BPNT2: variants seen among roughly 807,000 people sequenced by gnomAD.
The protein encoded by BPNT2 is 3'(2'), 5'-bisphosphate nucleotidase 2.
BPNT2 carries 11 observed loss-of-function variants against 29.3 expected under a neutral mutation model. The ratio of observed to expected loss-of-function variants is 0.38; its 90% CI spans 0.24 to 0.62. The LOEUF (loss-of-function observed/expected upper bound fraction) is 0.62, where lower values mean the gene tolerates loss of function less well. Among genes scored for constraint, BPNT2 ranks in the 20% least tolerant of loss-of-function variants. The pLI is 0.62. For missense variants in BPNT2, 459 were observed against 473.4 expected (o/e 0.97, Z 0.28); for synonymous variants, 195 against 187.7 (o/e 1.04, Z -0.32).
At chr8:56,965,010 T>C (rs1805915714) in intron 4 of BPNT2, among the ~76,000 whole-genome samples, 1 of 152,102 alleles carries the variant, frequency 6.6e-6, no homozygotes, top group South Asian at 2.1e-4. Flanking sequence ...AAAATTAAAA[T>C]TATTAGGCAT....
chr8:56,992,941 C>G (rs75764447), intron 1 of BPNT2, among the ~76,000 whole-genome samples: 1,619 of 152,268 alleles, frequency 0.011, 31 homozygotes, highest in African/African-American at 0.037. Context: ...CTTTTCGTTT[C>G]AAGGCCTTCT....
At chr8:56,965,122 C>A (rs907503805) in intron 4 of BPNT2, among the ~76,000 whole-genome samples, 3 of 152,140 alleles carry the variant, frequency 2.0e-5, no homozygotes, top group Non-Finnish European at 2.9e-5. Context: ...GAGCTCAAGA[C>A]CAGCCTGGGC....
At chr8:56,967,026 G>T (rs919592250) in intron 3 of BPNT2, 3 of 389,114 alleles carry the variant, frequency 7.7e-6, no homozygotes, top group Non-Finnish European at 1.5e-5. Flanking sequence ...AAGGGAAGGG[G>T]ATGTCAGAGA....
rs1251585024 is a variant in BPNT2 at position 56,993,465 on chromosome 8, G to A, written c.121C>T (p.Leu41=). ...FLAGRFSLFG[L]GGEPGGGAAG... Reference sequence around the variant, plus strand: ...GCGCCGCCGCCAGGCTCGCCGCCCAGGCCGAAGAGGCTGAAGCGGCCGGCC... The same window carrying A: ...GCGCCGCCGCCAGGCTCGCCGCCCAAGCCGAAGAGGCTGAAGCGGCCGGCC... Residue 41 remains leucine (L), a synonymous_variant, in exon 1 of 5, where the codon CTG becomes TTG. Transcript: ENST00000262644. 2 of 1,494,580 alleles carry A rather than the reference G, an allele frequency of 1.3e-6. No homozygotes were observed. The highest frequency in any genetic ancestry group is 4.6e-5 in the Admixed American group (2 of 43,502). The allele number at this position is 1,494,580 out of a possible 1,614,324, so 92.6% of individuals were successfully genotyped here.
intron 3 of BPNT2, among the ~76,000 whole-genome samples, chr8:56,973,673 C>T (rs1806073744): frequency 6.6e-6 from 1 of 152,110 alleles, no homozygotes; most frequent in African/African-American, 2.4e-5. Flanking sequence ...GAGATGAGTG[C>T]TTCAAACCAG....
At chr8:56,979,238 T>C (rs1806199696) in intron 2 of BPNT2, among the ~76,000 whole-genome samples, 1 of 152,138 alleles carries the variant, frequency 6.6e-6, no homozygotes, top group African/African-American at 2.4e-5. Context: ...TAAGCACTCA[T>C]CTTTAGGTAT....
rs1806455544 is a variant in BPNT2, at chr8:56,993,512, T to C, written c.74A>G (p.Tyr25Cys). ...VFCLLGLGVL[Y>C]HLYSGFLAGR... is the part of the protein sequence containing the mutation. ...GGCCAAGAAGCCCGAGTAGAGGTGG[T>C]AGAGCACGCCGAGCCCCAGCAGGCA... The change falls in exon 1 of 5, where the codon TAC becomes TGC. Residue 25 changes from tyrosine (Y) to cysteine (C), a missense_variant. By Grantham distance (194) the Tyr-to-Cys change is radical. Transcript: ENST00000262644. 1.3e-6 allele frequency: 2 copies of C among 1,499,100 alleles called. No individual in the cohort carries two copies. The highest frequency in any genetic ancestry group is 1.5e-5 in the African/African-American group (1 of 68,182). 92.9% of individuals were successfully genotyped at this position (1,499,100 alleles called of 1,614,324 possible).
Position 56,961,403 on chromosome 8 carries a change from T to C in BPNT2, c.*2390A>G, listed in dbSNP as rs1445985353. 6.6e-6 allele frequency: 1 copy of C among 152,082 alleles called. No homozygotes were observed. Among genetic ancestry groups the C allele is most frequent in the Non-Finnish European group, 1.5e-5 (1 of 68,020 alleles). 9.4% of individuals were successfully genotyped at this position (152,082 alleles called of 1,614,324 possible). A position where few individuals can be genotyped will look rare whatever the true frequency, so the allele number is the denominator to read the frequency against. On this transcript the variant is annotated 3_prime_UTR_variant, in exon 5 of 5. Coordinates refer to ENST00000262644, the MANE Select transcript of BPNT2 (RefSeq NM_017813.5). ...ATATTGGCTTTTAAAAACAAACAAT[T>C]TTAAAAATGAACTTTTTATAAAAGT...
intron 1 of BPNT2, among the ~76,000 whole-genome samples, chr8:56,981,183 CT>C (rs1806235992): frequency 1.3e-5 from 2 of 152,148 alleles, no homozygotes; most frequent in African/African-American, 4.8e-5. Flanking sequence ...AAGTGCGCCC[CT>C]GTCCCATCCT....
In BPNT2 at chr8:56,966,313, C is replaced by T. The variant is rs758965196; in HGVS notation, c.686G>A (p.Arg229His). ...MVDGGSNVKARSSYNEKTPRI... is the reference protein window; with the variant it reads ...MVDGGSNVKAHSSYNEKTPRI... ...TGGGGTCTTCTCATTGTAGGAAGAG[C>T]GGGCTTTCACATTTGAACCACCATC... is the stretch of plus-strand genomic sequence containing the variant. Residue 229 changes from arginine to histidine, a missense_variant, in exon 4 of 5, where the codon CGC (arginine) becomes CAC (histidine). Transcript: ENST00000262644. 1.9e-5 allele frequency: 31 copies of T among 1,613,824 alleles called. No individual in the cohort carries two copies. The highest frequency in any genetic ancestry group is 1.2e-4 in the African/African-American group (9 of 74,918).
chr8:56,975,411 GA>G (rs1806115824), intron 3 of BPNT2, among the ~76,000 whole-genome samples: 1 of 152,000 alleles, frequency 6.6e-6, no homozygotes, highest in Admixed American at 6.6e-5. Context: ...AGTGTCAAAA[GA>G]AAAAGAGGGA....
At chr8:56,986,423 A>G (rs1253800970) in intron 1 of BPNT2, among the ~76,000 whole-genome samples, 1 of 152,326 alleles carries the variant, frequency 6.6e-6, no homozygotes, top group East Asian at 1.9e-4. Flanking sequence ...GTGTTCCGTA[A>G]TTGTGAGGAC....
intron 1 of BPNT2, among the ~76,000 whole-genome samples, chr8:56,992,104 A>G (rs1358076592): frequency 4.6e-5 from 7 of 152,228 alleles, no homozygotes; most frequent in South Asian, 2.1e-4. Flanking sequence ...AACCAAAGCA[A>G]TATTATGATA....
intron 3 of BPNT2, among the ~76,000 whole-genome samples, chr8:56,971,269 TAAA>T (rs10551418): frequency 2.3e-4 from 28 of 122,600 alleles, no homozygotes; most frequent in East Asian, 6.6e-4. Flanking sequence ...AAGATAAGCT[TAAA>T]AAAAAAAAAA....
chr8:56,975,536 T>C (rs558907661), intron 3 of BPNT2, among the ~76,000 whole-genome samples: 10 of 152,288 alleles, frequency 6.6e-5, no homozygotes, highest in Admixed American at 2.6e-4. Context: ...AAAAAACTTA[T>C]GTCAATGCAC....
intron 3 of BPNT2, among the ~76,000 whole-genome samples, chr8:56,971,656 T>C (rs1174971236): frequency 6.6e-6 from 1 of 152,086 alleles, no homozygotes; most frequent in East Asian, 1.9e-4. Context: ...TTACCAAAAC[T>C]TAAGCACACA....
Position 56,963,719 on chromosome 8 carries a change from A to G in BPNT2, c.*74T>C, listed in dbSNP as rs1805884550. ...GCCTTAACCATGCATAGTCTCCACC[A>G]ATCCTTTGAAGCTTCCAGCATCTCA... On this transcript the variant is annotated 3_prime_UTR_variant, in exon 5 of 5. Coordinates refer to ENST00000262644, the MANE Select transcript of BPNT2 (RefSeq NM_017813.5). The G allele has an allele frequency of 3.2e-6, 5 of 1,553,214 alleles. No homozygotes were observed. The highest frequency in any genetic ancestry group is 4.4e-6 in the Non-Finnish European group (5 of 1,127,056).
intron 1 of BPNT2, among the ~76,000 whole-genome samples, chr8:56,983,311 G>A (rs1348813157): frequency 6.6e-6 from 1 of 152,174 alleles, no homozygotes; most frequent in Admixed American, 6.5e-5. Context: ...TTTGACTGAA[G>A]AGATCTAAAG....
chr8:56,963,832 G>A lies in BPNT2; in HGVS notation c.1041C>T (p.Val347=), dbSNP rs372925433. The part of the protein sequence containing the change: ...ASIRMNHQAL[V]RKLPDLEKTG... ...TCTTTTCTAGATCTGGGAGTTTTCT[G>A]ACCAGGGCCTGGTGGTTCATTCTGA... Residue 347 remains valine, a synonymous_variant, in exon 5 of 5, where the codon GTC becomes GTT. Coordinates refer to ENST00000262644, the MANE Select transcript of BPNT2 (RefSeq NM_017813.5). 126 of 1,613,996 alleles carry A rather than the reference G, an allele frequency of 7.8e-5. No homozygotes were observed. Among genetic ancestry groups the A allele is most frequent in the Middle Eastern group, 4.9e-4 (3 of 6,084 alleles).
Sources: allele counts gnomAD v4.1 joint callset (sites outside exome capture counted in the v4.1 genomes callset), GRCh38; gene constraint gnomAD v4.1.1; transcripts MANE v1.5; gene names NCBI Gene and HGNC (gene_info 2026-07-23, HGNC 2026-07-21).